The following FBXL17 variants were observed in gnomAD, a reference collection of about 807,000 sequenced individuals.
FBXL17 encodes F-box/LRR-repeat protein 17.
Under a neutral mutation model 66.2 loss-of-function variants are expected in FBXL17, and 22 were observed. That is an observed-to-expected ratio of 0.33 (90% confidence interval 0.24 to 0.47). The LOEUF (loss-of-function observed/expected upper bound fraction) is 0.47. Ranked by LOEUF, FBXL17 falls within the 20% of genes least tolerant of loss-of-function variation. The pLI is 1.00. For synonymous variants in FBXL17, 474 were observed against 400.5 expected, an observed-to-expected ratio of 1.18 and a Z score of -2.19; for missense variants, 878 against 948.2, an observed-to-expected ratio of 0.93 and a Z score of 0.97.
intron 7 of FBXL17, among the ~76,000 whole-genome samples, chr5:107,998,732 T>C (rs1239523663): frequency 3.3e-5 from 5 of 152,126 alleles, no homozygotes; most frequent in Non-Finnish European, 2.9e-5. Flanking sequence ...AACATCTTCC[T>C]TATTGTTGAT....
At chr5:108,223,442 C>T (rs1182114110) in intron 5 of FBXL17, among the ~76,000 whole-genome samples, 2 of 139,634 alleles carry the variant, frequency 1.4e-5, no homozygotes, top group Non-Finnish European at 2.9e-5. Context: ...TAGGATAGAA[C>T]TGAAATTTAT....
At position 108,005,093 on chromosome 5, in the gene FBXL17, C is replaced by CT. The variant is rs35383958; in HGVS notation, c.1822+15831dup. Among the ~76,000 whole-genome samples the CT allele has an allele frequency of 3.4e-3, 484 of 143,674 alleles. 2 individuals carry two copies. Among genetic ancestry groups the CT allele is most frequent in the Admixed American group, 1.0e-2 (143 of 14,366 alleles). The allele number at this position is 143,674 out of a possible 152,430, so 94.3% of individuals were successfully genotyped here. ...TGCTAGAGTGTCAAATTTTCAATGA[C>CT]TTTTTTTTTTTTTTTCTGTTTTGCT... On this transcript the variant is annotated intron_variant, in intron 7 of 8. Transcript: ENST00000542267.
intron 1 of FBXL17, among the ~76,000 whole-genome samples, chr5:108,377,546 C>A (rs1426832644): frequency 6.6e-6 from 1 of 152,210 alleles, no homozygotes; most frequent in African/African-American, 2.4e-5. Context: ...GAAGCCCACG[C>A]GAGAATGCTG....
chr5:108,173,223 A>G (rs993325920), intron 6 of FBXL17, among the ~76,000 whole-genome samples: 2 of 152,214 alleles, frequency 1.3e-5, no homozygotes, highest in Non-Finnish European at 2.9e-5. Context: ...CCTTATAAAA[A>G]GCACATATAC....
chr5:108,262,530 G>A (rs1488664482), intron 4 of FBXL17, among the ~76,000 whole-genome samples: 4 of 152,276 alleles, frequency 2.6e-5, no homozygotes, highest in East Asian at 1.9e-4. Context: ...AATGGTCTAC[G>A]TGATTTTTTA....
At position 108,101,166 on chromosome 5, in the gene FBXL17, G is replaced by T. The variant is rs972762535; in HGVS notation, c.1746-80165C>A. Among the ~76,000 whole-genome samples, 4 of 152,354 alleles carry T rather than the reference G, an allele frequency of 2.6e-5. No homozygotes were observed. The East Asian group carries it at 7.7e-4, about 29-fold the overall frequency. ...GTTTCTGGGCATACTCAGAGGAGAG[G>T]CATTGAAGAACCTCTTCAGAGCTTT... On this transcript the variant is annotated intron_variant, in intron 6 of 8. Coordinates refer to ENST00000542267, the MANE Select transcript of FBXL17 (RefSeq NM_001163315.3).
chr5:108,303,400 C>A (rs930906720), intron 4 of FBXL17, among the ~76,000 whole-genome samples: 19 of 140,828 alleles, frequency 1.3e-4, no homozygotes, highest in Non-Finnish European at 2.1e-4. Flanking sequence ...ACACACATAC[C>A]CACACACAAG....
At chr5:107,971,553 CT>C (rs560469308) in intron 7 of FBXL17, among the ~76,000 whole-genome samples, 3 of 152,200 alleles carry the variant, frequency 2.0e-5, no homozygotes, top group South Asian at 2.1e-4. Flanking sequence ...GTGTTCGCCC[CT>C]GATTCTCTTT....
intron 5 of FBXL17, among the ~76,000 whole-genome samples, chr5:108,204,008 GT>G (rs1185223700): frequency 2.0e-5 from 3 of 151,902 alleles, no homozygotes; most frequent in Admixed American, 6.6e-5. Context: ...AATATCAAAA[GT>G]TTTATCTAGC....
At chr5:108,151,762 C>A (rs886738961) in intron 6 of FBXL17, among the ~76,000 whole-genome samples, 3 of 152,128 alleles carry the variant, frequency 2.0e-5, no homozygotes, top group Non-Finnish European at 2.9e-5. Context: ...TTTACCTCTG[C>A]GAAAAACCTG....
At chr5:108,187,842 T>C (rs1404492983) in intron 5 of FBXL17, among the ~76,000 whole-genome samples, 1 of 152,188 alleles carries the variant, frequency 6.6e-6, no homozygotes, top group Non-Finnish European at 1.5e-5. Flanking sequence ...AATAAACTGG[T>C]ACTGTTTTAA....
At chr5:108,186,065 T>C (rs911949246) in intron 6 of FBXL17, 52 bp downstream of exon 6, 178 of 1,395,238 alleles carry the variant, frequency 1.3e-4, no homozygotes, top group Non-Finnish European at 1.6e-4. Flanking sequence ...TAATTAATAT[T>C]TCCTAAATGT....
At chr5:108,107,175 G>A (rs1215242283) in intron 6 of FBXL17, among the ~76,000 whole-genome samples, 8 of 151,992 alleles carry the variant, frequency 5.3e-5, no homozygotes, top group South Asian at 2.1e-4. Flanking sequence ...GGGTTCAAGC[G>A]ATTCTCCTGC....
chr5:108,209,276 C>G (rs1224856642), intron 5 of FBXL17, among the ~76,000 whole-genome samples: 1 of 152,154 alleles, frequency 6.6e-6, no homozygotes, highest in African/African-American at 2.4e-5. Flanking sequence ...ATTTGACTTC[C>G]TCTCTTCCTA....
At chr5:107,983,288 C>T (rs774012474) in intron 7 of FBXL17, among the ~76,000 whole-genome samples, 1 of 152,122 alleles carries the variant, frequency 6.6e-6, no homozygotes, top group African/African-American at 2.4e-5. Context: ...ATCTCCCAAG[C>T]TCAAGTGATC....
At chr5:107,953,823 G>A (rs941360621) in intron 7 of FBXL17, among the ~76,000 whole-genome samples, 3 of 152,154 alleles carry the variant, frequency 2.0e-5, no homozygotes, top group African/African-American at 7.2e-5. Flanking sequence ...AAGAACAAGT[G>A]CAAATGCCAG....
chr5:108,315,657 C>A (rs1759328880), intron 4 of FBXL17, among the ~76,000 whole-genome samples: 1 of 151,018 alleles, frequency 6.6e-6, no homozygotes, highest in Non-Finnish European at 1.5e-5. Flanking sequence ...AGCAACAAAG[C>A]ATCAACCATA....
At chr5:107,898,248 T>C (rs987300413) in intron 7 of FBXL17, among the ~76,000 whole-genome samples, 17 of 152,054 alleles carry the variant, frequency 1.1e-4, no homozygotes, top group Admixed American at 9.8e-4. Flanking sequence ...CATAAACACT[T>C]TTAGTGAAAA....
chr5:107,973,311 C>T (rs1752445992), intron 7 of FBXL17, among the ~76,000 whole-genome samples: 1 of 150,652 alleles, frequency 6.6e-6, no homozygotes. Flanking sequence ...GACCTATATA[C>T]AAATTCATAA....
Sources: allele counts gnomAD v4.1 joint callset (sites outside exome capture counted in the v4.1 genomes callset), GRCh38; gene constraint gnomAD v4.1.1; transcripts MANE v1.5; gene names NCBI Gene and HGNC (gene_info 2026-07-23, HGNC 2026-07-21).